The following SLC25A26 variants were observed in gnomAD, a reference collection of about 807,000 sequenced individuals.
SLC25A26 encodes the protein solute carrier family 25 member 26, also known as mitochondrial S-adenosylmethionine carrier protein.
A neutral mutation model predicts 37.8 loss-of-function variants in SLC25A26; 36 were observed. The ratio of observed to expected loss-of-function variants is 0.95; its 90% confidence interval spans 0.73 to 1.26. SLC25A26 has a LOEUF of 1.26. Ranked by LOEUF, SLC25A26 falls within the 50% of genes most tolerant of loss-of-function variation. The pLI is 0.00. For synonymous variants in SLC25A26, 129 were observed against 122.5 expected, an observed-to-expected ratio of 1.05 and a Z score of -0.35; for missense variants, 390 against 331.1, an observed-to-expected ratio of 1.18 and a Z score of -1.38.
upstream of SLC25A26, among the ~76,000 whole-genome samples, chr3:66,219,038 T>C (rs1438937893): frequency 6.6e-6 from 1 of 152,212 alleles, no homozygotes; most frequent in Non-Finnish European, 1.5e-5. Flanking sequence ...GGGGGTAATT[T>C]GTTACGCAGA....
chr3:66,378,767 C>T lies in SLC25A26; in HGVS notation c.*960C>T, dbSNP rs1266577868. 1.3e-5 allele frequency: 2 copies of T among 152,292 alleles called. No homozygotes were observed. The highest frequency in any genetic ancestry group is 2.9e-5 in the Non-Finnish European group (2 of 67,992). The allele number at this position is 152,292 out of a possible 1,614,324, so 9.4% of individuals were successfully genotyped here. A position where few individuals can be genotyped will look rare whatever the true frequency, so the allele number is the denominator to read the frequency against. ...AAGATAATTAAAGGCAGAATGACTG[C>T]GTTTGTAAAAGAAGGACCACCAACT... On this transcript the variant is annotated 3_prime_UTR_variant, in exon 10 of 10. Transcript: ENST00000354883.
intron 1 of SLC25A26, among the ~76,000 whole-genome samples, chr3:66,230,485 G>T (rs188687529): frequency 6.6e-6 from 1 of 151,944 alleles, no homozygotes; most frequent in Non-Finnish European, 1.5e-5. Context: ...TTTGCTGGCT[G>T]CAATAGGCAG....
chr3:66,211,228 T>C (rs1180930152), intron 1 of SLC25A26, among the ~76,000 whole-genome samples: 7 of 152,216 alleles, frequency 4.6e-5, no homozygotes, highest in African/African-American at 1.7e-4. Context: ...TTAAGCGGAC[T>C]GTGTTCATTT....
chr3:66,185,032 A>T (rs2070798985), intron 1 of SLC25A26, among the ~76,000 whole-genome samples: 1 of 152,220 alleles, frequency 6.6e-6, no homozygotes, highest in Non-Finnish European at 1.5e-5. Flanking sequence ...CACTAAGTAC[A>T]TTCACGTTGT....
chr3:66,138,300 G>A (rs2069978540), intron 1 of SLC25A26, among the ~76,000 whole-genome samples: 1 of 151,936 alleles, frequency 6.6e-6, no homozygotes, highest in African/African-American at 2.4e-5. Flanking sequence ...ATGCAATGAA[G>A]GAAGAAAAAA....
intron 1 of SLC25A26, among the ~76,000 whole-genome samples, chr3:66,150,601 GAGATATATATATATAT>G (rs2070189076): frequency 4.9e-5 from 2 of 40,844 alleles, no homozygotes; most frequent in African/African-American, 9.1e-5. Flanking sequence ...TATATGTAAT[GAGATATATATATATAT>G]ATATATATAT....
intron 3 of SLC25A26, among the ~76,000 whole-genome samples, chr3:66,257,272 C>G (rs983887600): frequency 2.0e-5 from 3 of 151,746 alleles, no homozygotes; most frequent in African/African-American, 7.3e-5. Flanking sequence ...TGGTCCAAGT[C>G]AAGTAAGAAA....
intron 1 of SLC25A26, among the ~76,000 whole-genome samples, chr3:66,175,174 A>G (rs2070567837): frequency 6.7e-6 from 1 of 148,528 alleles, no homozygotes; most frequent in Non-Finnish European, 1.5e-5. Context: ...ATATGTATAT[A>G]TACACATACA....
intron 1 of SLC25A26, among the ~76,000 whole-genome samples, chr3:66,226,102 G>A (rs1477363469): frequency 1.3e-5 from 2 of 152,106 alleles, no homozygotes; most frequent in African/African-American, 4.8e-5. Flanking sequence ...CCAATTTCCT[G>A]TATTAGTCTG....
chr3:66,245,544 T>C (rs1390885553), intron 3 of SLC25A26, among the ~76,000 whole-genome samples: 2 of 152,136 alleles, frequency 1.3e-5, no homozygotes, highest in African/African-American at 4.8e-5. Flanking sequence ...CTTTTCTTTG[T>C]AATTAGAAAA....
At chr3:66,252,490 T>C (rs2107200757) in intron 3 of SLC25A26, among the ~76,000 whole-genome samples, 1 of 152,304 alleles carries the variant, frequency 6.6e-6, no homozygotes, top group East Asian at 1.9e-4. Flanking sequence ...CTTGTCCACT[T>C]ATTTGTCTGT....
chr3:66,257,835 C>T (rs945283576), intron 3 of SLC25A26, among the ~76,000 whole-genome samples: 31 of 152,162 alleles, frequency 2.0e-4, no homozygotes, highest in African/African-American at 7.0e-4. Context: ...ATGAATTGAC[C>T]GTAATGGATC....
At chr3:66,153,104 G>C (rs1386033245) in intron 1 of SLC25A26, among the ~76,000 whole-genome samples, 1 of 151,992 alleles carries the variant, frequency 6.6e-6, no homozygotes, top group Non-Finnish European at 1.5e-5. Context: ...GTTCCCCAGG[G>C]GCCATTTATC....
At chr3:66,258,664 A>G (rs1380679407) in intron 3 of SLC25A26, among the ~76,000 whole-genome samples, 1 of 152,154 alleles carries the variant, frequency 6.6e-6, no homozygotes, top group African/African-American at 2.4e-5. Flanking sequence ...ATTAAACCAC[A>G]CACATCCATG....
intron 1 of SLC25A26, among the ~76,000 whole-genome samples, chr3:66,197,130 G>A (rs1450307192): frequency 2.6e-5 from 4 of 152,098 alleles, no homozygotes; most frequent in African/African-American, 9.7e-5. Flanking sequence ...TCATTTGAGA[G>A]TAATGTGTAA....
intron 1 of SLC25A26, among the ~76,000 whole-genome samples, chr3:66,201,290 A>G (rs2071105637): frequency 6.6e-6 from 1 of 151,768 alleles, no homozygotes; most frequent in African/African-American, 2.4e-5. Context: ...ACATACCTTA[A>G]CAAAATATAT....
At chr3:66,276,184 A>G (rs1271959568) in intron 5 of SLC25A26, among the ~76,000 whole-genome samples, 1 of 152,160 alleles carries the variant, frequency 6.6e-6, no homozygotes. Context: ...TTAACTTTAC[A>G]TATATTTTCC....
Position 66,284,537 on chromosome 3 carries a change from T to C in SLC25A26, c.453+21158T>C, listed in dbSNP as rs1265427261. ...ACACATGCAACAATATGCATATCAA[T>C]ATTGTTTATAACAGGAACAATTTGA... On this transcript the variant is annotated intron_variant, in intron 5 of 9. Coordinates refer to ENST00000354883, the MANE Select transcript of SLC25A26 (RefSeq NM_001379210.1). Among the ~76,000 whole-genome samples the C allele has an allele frequency of 2.6e-5, 4 of 152,100 alleles. No individual in the cohort carries two copies. In the East Asian group the frequency reaches 7.7e-4, roughly 29 times the overall value.
At chr3:66,272,934 A>G (rs1328020096) in intron 5 of SLC25A26, among the ~76,000 whole-genome samples, 1 of 152,120 alleles carries the variant, frequency 6.6e-6, no homozygotes, top group Non-Finnish European at 1.5e-5. Flanking sequence ...TGGGTTTGTC[A>G]TAGATAGCTC....
Sources: allele counts gnomAD v4.1 joint callset (sites outside exome capture counted in the v4.1 genomes callset), GRCh38; gene constraint gnomAD v4.1.1; transcripts MANE v1.5; gene names NCBI Gene and HGNC (gene_info 2026-07-23, HGNC 2026-07-21).